Variants in VPS16 observed in about 807,000 individuals in gnomAD.
VPS16 encodes vacuolar protein sorting-associated protein 16 homolog.
Under a neutral mutation model 116.0 loss-of-function variants are expected in VPS16, and 82 were observed. That is an observed-to-expected ratio of 0.71 (90% CI 0.59 to 0.85). The LOEUF (loss-of-function observed/expected upper bound fraction) is 0.85. Ranked by LOEUF, VPS16 falls within the 40% of genes least tolerant of loss-of-function variation. VPS16 has a pLI of 0.00. For synonymous variants in VPS16, 406 were observed against 420.7 expected (o/e 0.96, Z 0.43); for missense variants, 928 against 1,090.6 (o/e 0.85, Z 2.10).
chr20:2,841,223 G>T, intron 1 of VPS16: 1 of 240,272 alleles, frequency 4.2e-6, no homozygotes, highest in Non-Finnish European at 8.2e-6. Flanking sequence ...GCTGACCAAG[G>T]CTGGGAAAAG....
rs965722355 is a variant in VPS16 at position 2,865,583 on chromosome 20, G to A, written c.2271+88G>A. The A allele has an allele frequency of 1.9e-5, 23 of 1,229,308 alleles. No homozygotes were observed. The highest frequency in any genetic ancestry group is 7.3e-5 in the East Asian group (3 of 41,150). 76.2% of individuals were successfully genotyped at this position (1,229,308 alleles called of 1,614,324 possible). ...GGCAGGGAGACAGATAGGATGGCCC[G>A]TTCATGCTCCTGTTCAGCTGCCCGC... is the stretch of plus-strand genomic sequence containing the variant. On this transcript the variant is annotated intron_variant, in intron 22 of 23. Transcript: ENST00000380445. This position sits in a 1 kb window ranked among gnomAD's most constrained non-coding sequence, Gnocchi z 5.2.
chr20:2,854,266 A>ACACACAC (rs1568624871), intron 1 of VPS16, among the ~76,000 whole-genome samples: 1 of 61,970 alleles, frequency 1.6e-5, no homozygotes, highest in African/African-American at 1.6e-4. Context: ...CACACACACA[A>ACACACAC]ATTTTTTAGC....
At chr20:2,857,118 C>T (rs2146660086) in intron 1 of VPS16, among the ~76,000 whole-genome samples, 1 of 152,206 alleles carries the variant, frequency 6.6e-6, no homozygotes, top group Non-Finnish European at 1.5e-5. Flanking sequence ...GCTGGGATTT[C>T]AGGCATGCGC....
At chr20:2,857,039 A>G (rs2089178798) in intron 1 of VPS16, among the ~76,000 whole-genome samples, 2 of 149,650 alleles carry the variant, frequency 1.3e-5, no homozygotes, top group South Asian at 2.1e-4. Context: ...GTGCAGTGGC[A>G]CAATTTTGGC....
chr20:2,863,819 AAG>A lies in VPS16; in HGVS notation c.1477-124_1477-123del. On this transcript the variant is annotated intron_variant, in intron 15 of 23. Transcript: ENST00000380445. This position sits in a 1 kb window ranked among gnomAD's most constrained non-coding sequence, Gnocchi z 4.4. ...AGGAGGGAAAGAGAGAGAAAGAAGA[AAG>A]AGAGAAAGAAAGAAAGAAGAAGGAA... is the stretch of plus-strand genomic sequence containing the variant. The A allele has an allele frequency of 2.8e-5, 26 of 937,820 alleles. No homozygotes were observed. The highest frequency in any genetic ancestry group is 5.7e-5 in the South Asian group (3 of 52,878). The allele number at this position is 937,820 out of a possible 1,614,324, so 58.1% of individuals were successfully genotyped here. A position where few individuals can be genotyped will look rare whatever the true frequency, so the allele number is the denominator to read the frequency against.
chr20:2,860,897 C>G lies in VPS16; in HGVS notation c.630+34C>G. On this transcript the variant is annotated intron_variant, in intron 6 of 23. Coordinates refer to ENST00000380445, the MANE Select transcript of VPS16 (RefSeq NM_022575.4). This position sits in a 1 kb window ranked among gnomAD's most constrained non-coding sequence, Gnocchi z 6.1. ...CCTGAGTGGGAATGAAGTGGACGGG[C>G]TGGGTTAGGCAATAGGGAGGTTCTG... is the stretch of plus-strand genomic sequence containing the variant. 1 of 1,614,052 alleles carries G rather than the reference C, an allele frequency of 6.2e-7. No homozygotes were observed. The highest frequency in any genetic ancestry group is 8.5e-7 in the Non-Finnish European group (1 of 1,180,038).
chr20:2,861,884 C>T lies in VPS16; in HGVS notation c.979C>T (p.Leu327=), dbSNP rs781597203. The change falls in exon 10 of 24, where the codon CTG becomes TTG. Residue 327 remains leucine, a synonymous_variant. Coordinates refer to ENST00000380445, the MANE Select transcript of VPS16 (RefSeq NM_022575.4). ...RIFSRSTHEF[L]HEVPAASEEI... ...CTTCTCCCGCAGCACCCACGAGTTC[C>T]TGCATGAGGTTCCAGGTGAGGCCTT... 8.1e-6 allele frequency: 13 copies of T among 1,613,646 alleles called. No individual in the cohort carries two copies. Among genetic ancestry groups the T allele is most frequent in the Non-Finnish European group, 1.0e-5 (12 of 1,179,900 alleles).
intron 1 of VPS16, among the ~76,000 whole-genome samples, chr20:2,842,868 A>AGATAGATAGATGTATCTATC (rs1568621089): frequency 0.024 from 624 of 25,676 alleles, 28 homozygotes; most frequent in African/African-American, 0.046. Context: ...ATCTATCGAT[A>AGATAGATAGATGTATCTATC]GATAGATAGA....
intron 1 of VPS16, among the ~76,000 whole-genome samples, chr20:2,846,654 C>A (rs1446374934): frequency 1.3e-5 from 2 of 152,018 alleles, no homozygotes; most frequent in African/African-American, 2.4e-5. Flanking sequence ...CTGGATTATA[C>A]CCCAAGGCAA....
At chr20:2,850,414 G>A (rs1257244079) in intron 1 of VPS16, among the ~76,000 whole-genome samples, 1 of 152,064 alleles carries the variant, frequency 6.6e-6, no homozygotes, top group African/African-American at 2.4e-5. Context: ...AGATCATGAG[G>A]TCAAGAAATC....
At chr20:2,850,979 AAAAAG>A (rs1209372741) in intron 1 of VPS16, among the ~76,000 whole-genome samples, 27 of 151,150 alleles carry the variant, frequency 1.8e-4, no homozygotes, top group African/African-American at 4.9e-4. Flanking sequence ...AAAAAAAAAA[AAAAAG>A]AAAAAGAATA....
Position 2,863,920 on chromosome 20 carries a change from A to T in VPS16, c.1477-29A>T. 6.2e-7 allele frequency: 1 copy of T among 1,607,390 alleles called. No individual in the cohort carries two copies. ...GTGGAGAGTGAGGAATGGCATCCAG[A>T]TGTTTGTGACACCCCGCATCCCTTG... On this transcript the variant is annotated intron_variant, in intron 15 of 23. Coordinates refer to ENST00000380445, the MANE Select transcript of VPS16 (RefSeq NM_022575.4). The surrounding 1 kb of genome is among the most constrained non-coding windows in gnomAD (Gnocchi z 4.4).
chr20:2,848,653 T>A (rs1468811546), intron 1 of VPS16, among the ~76,000 whole-genome samples: 1 of 152,170 alleles, frequency 6.6e-6, no homozygotes, highest in African/African-American at 2.4e-5. Flanking sequence ...GGGTATAGGG[T>A]AAGGCCAGTT....
chr20:2,850,410 T>A (rs893498608), intron 1 of VPS16, among the ~76,000 whole-genome samples: 3 of 151,882 alleles, frequency 2.0e-5, no homozygotes, highest in African/African-American at 7.3e-5. Context: ...GAGCAGATCA[T>A]GAGGTCAAGA....
At chr20:2,845,007 G>GTTGT (rs1555795973) in intron 1 of VPS16, among the ~76,000 whole-genome samples, 37 of 144,112 alleles carry the variant, frequency 2.6e-4, no homozygotes, top group South Asian at 2.2e-4. Context: ...ATTTGCAAGG[G>GTTGT]GTGTGTGTGT....
chr20:2,842,365 C>G (rs1216624942), intron 1 of VPS16, among the ~76,000 whole-genome samples: 1 of 151,872 alleles, frequency 6.6e-6, no homozygotes, highest in Non-Finnish European at 1.5e-5. Context: ...CCTGTAATCC[C>G]AGCACTTTGG....
At position 2,842,863 on chromosome 20, in the gene VPS16, TCGATAGATAG is replaced by T. The variant is rs1450745374; in HGVS notation, c.53+2037_53+2046del. ...ATCTATCGATAGATAGATGTATCTA[TCGATAGATAG>T]ATAGATGTATCTATCGATAGATAGA... On this transcript the variant is annotated intron_variant, in intron 1 of 23. Transcript: ENST00000380445. Among the ~76,000 whole-genome samples, 175 of 149,890 alleles carry T rather than the reference TCGATAGATAG, an allele frequency of 1.2e-3. 6 individuals carry two copies. Among genetic ancestry groups the T allele is most frequent in the South Asian group, 2.3e-3 (11 of 4,778 alleles).
rs1332201329 is a variant in VPS16, at chr20:2,865,547, A to G, written c.2271+52A>G. Reference sequence around the variant, plus strand: ...ACTTCCAGTGAGGGTAGTCTTCGGGAGAGAGGGCTAGGCAGGGAGACAGAT... The same window carrying G: ...ACTTCCAGTGAGGGTAGTCTTCGGGGGAGAGGGCTAGGCAGGGAGACAGAT... On this transcript the variant is annotated intron_variant, in intron 22 of 23. Coordinates refer to ENST00000380445, the MANE Select transcript of VPS16 (RefSeq NM_022575.4). The surrounding 1 kb of genome is among the most constrained non-coding windows in gnomAD (Gnocchi z 5.2). 1 of 1,542,422 alleles carries G rather than the reference A, an allele frequency of 6.5e-7. No individual in the cohort carries two copies. Among genetic ancestry groups the G allele is most frequent in the Non-Finnish European group, 8.9e-7 (1 of 1,127,090 alleles).
intron 1 of VPS16, among the ~76,000 whole-genome samples, chr20:2,853,855 TAG>T (rs1318387730): frequency 1.3e-5 from 2 of 151,904 alleles, no homozygotes; most frequent in African/African-American, 4.8e-5. Flanking sequence ...ATATTTTTAG[TAG>T]AGACAGGGTT....
Sources: gnomAD v4.1 joint callset for allele counts (sites outside exome capture counted in the v4.1 genomes callset) on GRCh38, gnomAD v4.1.1 for gene constraint, Gnocchi (gnomAD v3.1) non-coding constraint, MANE v1.5 for transcripts, NCBI Gene and HGNC (gene_info 2026-07-23, HGNC 2026-07-21) for gene names.